CMC4: variants seen among roughly 807,000 people sequenced by gnomAD.
CMC4 encodes the protein cx9C motif-containing protein 4.
A neutral mutation model predicts 5.1 loss-of-function variants in CMC4; 4 were observed. That is an observed-to-expected ratio of 0.78 (90% confidence interval 0.38 to 1.78). CMC4 has a LOEUF of 1.78. Ranked by LOEUF, CMC4 falls within the 40% of genes most tolerant of loss-of-function variation. The probability of loss-of-function intolerance (pLI) is 0.04; values close to 1 mark genes in which losing one functional copy is unlikely to be tolerated. For missense variants in CMC4, 52 were observed against 51.3 expected, an observed-to-expected ratio of 1.01 and a Z score of -0.04; for synonymous variants, 23 against 18.9, an observed-to-expected ratio of 1.22 and a Z score of -0.57.
At chrX:155,066,616 T>C (rs2073949369) in intron 1 of CMC4, among the ~76,000 whole-genome samples, 1 of 112,411 alleles carries the variant, frequency 8.9e-6, no homozygotes, top group African/African-American at 3.2e-5. Flanking sequence ...TAAGAAAGTT[T>C]ACAAATAGCG....
In CMC4 at chrX:155,070,961, G is replaced by A. The variant is rs1428880632; in HGVS notation, c.-278C>T. On this transcript the variant is annotated 5_prime_UTR_variant, in exon 1 of 3. Coordinates refer to ENST00000369484, the MANE Select transcript of CMC4 (RefSeq NM_001018024.3). ...ATAAAACCTTAACTGTTTTGGGACT[G>A]ACTTTCAAAAGAGCGTCCCCCTGGC... is the stretch of plus-strand genomic sequence containing the variant. 8.8e-6 allele frequency: 1 copy of A among 113,055 alleles called. No homozygotes were observed. The highest frequency in any genetic ancestry group is 1.9e-5 in the Non-Finnish European group (1 of 53,279). The allele number at this position is 113,055 out of a possible 1,213,427, so 9.3% of individuals were successfully genotyped here. A position where few individuals can be genotyped will look rare whatever the true frequency, so the allele number is the denominator to read the frequency against.
At chrX:155,067,887 T>C (rs2073954969) in intron 1 of CMC4, among the ~76,000 whole-genome samples, 1 of 112,177 alleles carries the variant, frequency 8.9e-6, no homozygotes, top group Admixed American at 9.4e-5. Flanking sequence ...GGGTAGAGAT[T>C]GATTCTCTAG....
chrX:155,065,449 AAG>A (rs2073944535), intron 1 of CMC4: 8 of 1,168,267 alleles, frequency 6.8e-6, no homozygotes, highest in Non-Finnish European at 9.3e-6. Context: ...AGCCAAAACA[AAG>A]AGGGGGAGGA....
At chrX:155,065,176 CCTGA>C in intron 1 of CMC4, 1 of 315,870 alleles carries the variant, frequency 3.2e-6, no homozygotes, top group Non-Finnish European at 5.5e-6. Flanking sequence ...AGTTACGGAT[CCTGA>C]CTAAGTGCTT....
In CMC4 at chrX:155,061,964, T is replaced by C; in HGVS notation, c.86A>G (p.Gln29Arg). The C allele has an allele frequency of 5.0e-6, 6 of 1,210,808 alleles. No individual in the cohort carries two copies. Among genetic ancestry groups the C allele is most frequent in the Non-Finnish European group, 5.6e-6 (5 of 894,988 alleles). The stretch of plus-strand genomic sequence containing the variant: ...CTTACGCAGTTCTTGGATGACAGCC[T>C]GACACTTTGATTCCATGTAGCTGTT... ...QANSYMESKCQAVIQELRKCC... is the reference protein window; with the variant it reads ...QANSYMESKCRAVIQELRKCC... Residue 29 changes from glutamine (Q) to arginine (R), a missense_variant, in exon 3 of 3, where the codon CAG (glutamine) becomes CGG (arginine). Coordinates refer to ENST00000369484, the MANE Select transcript of CMC4 (RefSeq NM_001018024.3).
chrX:155,062,835 C>T (rs2073933491), intron 2 of CMC4, among the ~76,000 whole-genome samples: 1 of 111,580 alleles, frequency 9.0e-6, no homozygotes. Context: ...AATTACATAA[C>T]TTGTGTGTCT....
In CMC4 at chrX:155,061,794, T is replaced by TA; in HGVS notation, c.*48dup. Reference sequence around the variant, plus strand: ...TACCTGGCCTGAAGAGTCAGGAGGATAAAAAAAATTCATTTGGTGGAAACA... The same window carrying TA: ...TACCTGGCCTGAAGAGTCAGGAGGATAAAAAAAAATTCATTTGGTGGAAACA... On this transcript the variant is annotated 3_prime_UTR_variant, in exon 3 of 3. Coordinates refer to ENST00000369484, the MANE Select transcript of CMC4 (RefSeq NM_001018024.3). 3 of 1,186,199 alleles carry TA rather than the reference T, an allele frequency of 2.5e-6. No homozygotes were observed. Among genetic ancestry groups the TA allele is most frequent in the South Asian group, 1.9e-5 (1 of 52,867 alleles).
rs782537633 is a variant in CMC4 at position 155,061,879 on chromosome X, C to T, written c.171G>A (p.Glu57=). ...CAGACTTCCGTGTTAGGTTTTCTTC[C>T]TCTTCTTTTTCAAATCCTGAACAGA... is the stretch of plus-strand genomic sequence containing the variant. ...SVVCSGFEKE[E]EENLTRKSAS... is the part of the protein sequence containing the mutation. The change falls in exon 3 of 3, where the codon GAG becomes GAA. Residue 57 remains glutamate, a synonymous_variant. Coordinates refer to ENST00000369484, the MANE Select transcript of CMC4 (RefSeq NM_001018024.3). 9.9e-6 allele frequency: 12 copies of T among 1,208,913 alleles called. No homozygotes were observed. Among genetic ancestry groups the T allele is most frequent in the Non-Finnish European group, 1.3e-5 (12 of 894,638 alleles).
At chrX:155,062,426 G>A (rs1234157646) in intron 2 of CMC4, among the ~76,000 whole-genome samples, 3 of 111,955 alleles carry the variant, frequency 2.7e-5, no homozygotes, top group Admixed American at 9.4e-5. Context: ...AAATTCAGCC[G>A]GTTTTTACAG....
intron 1 of CMC4, among the ~76,000 whole-genome samples, chrX:155,068,598 A>T (rs2073957812): frequency 8.9e-6 from 1 of 112,432 alleles, no homozygotes; most frequent in Non-Finnish European, 1.9e-5. Flanking sequence ...CTATACAATC[A>T]CAGGTTTTAT....
At position 155,063,927 on chromosome X, in the gene CMC4, A is replaced by C. The variant is rs781852919; in HGVS notation, c.58+39T>G. 8.4e-6 allele frequency: 9 copies of C among 1,071,818 alleles called. No homozygotes were observed. In the Admixed American group the frequency reaches 2.6e-4, roughly 31 times the overall value. The allele number at this position is 1,071,818 out of a possible 1,213,427, so 88.3% of individuals were successfully genotyped here. ...AATTGGTCTCTTATAGTTAGTTCAC[A>C]GTGGAAAAATATTTTTAAAGCATTT... On this transcript the variant is annotated intron_variant, in intron 2 of 2. Coordinates refer to ENST00000369484, the MANE Select transcript of CMC4 (RefSeq NM_001018024.3).
At chrX:155,067,623 C>G (rs1307300886) in intron 1 of CMC4, among the ~76,000 whole-genome samples, 1 of 112,354 alleles carries the variant, frequency 8.9e-6, no homozygotes, top group African/African-American at 3.2e-5. Flanking sequence ...AAATTCTTGC[C>G]TCTTTTGACT....
At chrX:155,065,538 C>G in intron 1 of CMC4, 1 of 1,211,094 alleles carries the variant, frequency 8.3e-7, no homozygotes, top group Non-Finnish European at 1.1e-6. Flanking sequence ...CTCCCCTGAC[C>G]TGTCAGAAAA....
chrX:155,063,989 C>T lies in CMC4; in HGVS notation c.35G>A (p.Cys12Tyr), dbSNP rs1306038425. 1 of 1,196,850 alleles carries T rather than the reference C, an allele frequency of 8.4e-7. No homozygotes were observed. Among genetic ancestry groups the T allele is most frequent in the Non-Finnish European group, 1.1e-6 (1 of 891,120 alleles). Residue 12 changes from cysteine (C) to tyrosine (Y), a missense_variant, in exon 2 of 3, where the codon TGT becomes TAT. Cys to Tyr is a radical substitution (Grantham distance 194). Transcript: ENST00000369484. ...ACCTTGTAAACATTTCTGTATCTCACAGGCTTGCTTCTGGCACGGATCCTT... is the reference window on the plus strand; with the variant it reads ...ACCTTGTAAACATTTCTGTATCTCATAGGCTTGCTTCTGGCACGGATCCTT... ...PQKDPCQKQA[C>Y]EIQKCLQANS...
In CMC4 at chrX:155,061,783, A is replaced by G; in HGVS notation, c.*60T>C. ...CTATTTGCTGCTACCTGGCCTGAAG[A>G]GTCAGGAGGATAAAAAAAATTCATT... is the stretch of plus-strand genomic sequence containing the variant. On this transcript the variant is annotated 3_prime_UTR_variant, in exon 3 of 3. Transcript: ENST00000369484. 1 of 1,163,665 alleles carries G rather than the reference A, an allele frequency of 8.6e-7. No homozygotes were observed. The highest frequency in any genetic ancestry group is 1.2e-6 in the Non-Finnish European group (1 of 864,462).
intron 1 of CMC4, among the ~76,000 whole-genome samples, chrX:155,068,176 C>G (rs2073956043): frequency 1.8e-5 from 2 of 112,245 alleles, no homozygotes; most frequent in African/African-American, 6.5e-5. Context: ...CAACAACCAA[C>G]ATGTTGACAT....
Position 155,061,673 on chromosome X carries a change from T to G in CMC4, c.*170A>C. ...GCAGCTCAGTATATTACATTCTACATATTTGTCTTTTAATGTGTTTATATT... is the reference window on the plus strand; with the variant it reads ...GCAGCTCAGTATATTACATTCTACAGATTTGTCTTTTAATGTGTTTATATT... On this transcript the variant is annotated 3_prime_UTR_variant, in exon 3 of 3. Coordinates refer to ENST00000369484, the MANE Select transcript of CMC4 (RefSeq NM_001018024.3). 1 of 502,556 alleles carries G rather than the reference T, an allele frequency of 2.0e-6. No individual in the cohort carries two copies. Among genetic ancestry groups the G allele is most frequent in the Non-Finnish European group, 3.1e-6 (1 of 318,517 alleles). The allele number at this position is 502,556 out of a possible 1,213,427, so 41.4% of individuals were successfully genotyped here. A position where few individuals can be genotyped will look rare whatever the true frequency, so the allele number is the denominator to read the frequency against.
At position 155,063,868 on chromosome X, in the gene CMC4, A is replaced by G. The variant is rs1288667420; in HGVS notation, c.58+98T>C. On this transcript the variant is annotated intron_variant, in intron 2 of 2. Transcript: ENST00000369484. Reference sequence around the variant, plus strand: ...TTCAGGATAATTACATATACGTTACATTCTTAAAAAAGAGTTAATACAGAT... The same window carrying G: ...TTCAGGATAATTACATATACGTTACGTTCTTAAAAAAGAGTTAATACAGAT... 6.3e-6 allele frequency: 4 copies of G among 632,085 alleles called. 1 individual carries two copies. The Admixed American group carries it at 1.1e-4, about 17-fold the overall frequency. 52.1% of individuals were successfully genotyped at this position (632,085 alleles called of 1,213,427 possible). A position where few individuals can be genotyped will look rare whatever the true frequency, so the allele number is the denominator to read the frequency against.
intron 2 of CMC4, among the ~76,000 whole-genome samples, chrX:155,063,355 T>C (rs782520352): frequency 1.8e-5 from 2 of 112,357 alleles, no homozygotes; most frequent in Non-Finnish European, 3.8e-5. Flanking sequence ...GGAAAACTTA[T>C]TAAAATTTTT....
Sources: allele counts gnomAD v4.1 joint callset (sites outside exome capture counted in the v4.1 genomes callset), GRCh38; gene constraint gnomAD v4.1.1; transcripts MANE v1.5; gene names NCBI Gene and HGNC (gene_info 2026-07-23, HGNC 2026-07-21).